Variants in ZSCAN23 observed in about 807,000 individuals in gnomAD.
The protein encoded by ZSCAN23 is zinc finger and SCAN domain containing 23.
A neutral mutation model predicts 19.3 loss-of-function variants in ZSCAN23; 19 were observed. The ratio of observed to expected loss-of-function variants is 0.99; its 90% CI spans 0.69 to 1.45. ZSCAN23 has a LOEUF of 1.45. Ranked by LOEUF, ZSCAN23 falls within the 40% of genes most tolerant of loss-of-function variation. ZSCAN23 has a pLI of 0.00. For synonymous variants in ZSCAN23, 140 were observed against 166.2 expected, an observed-to-expected ratio of 0.84 and a Z score of 1.21; for missense variants, 372 against 462.5, an observed-to-expected ratio of 0.80 and a Z score of 1.79.
intron 1 of ZSCAN23, among the ~76,000 whole-genome samples, chr6:28,442,445 G>A (rs1762020233): frequency 6.6e-6 from 1 of 152,136 alleles, no homozygotes; most frequent in Admixed American, 6.5e-5. Context: ...TTTTTCTATT[G>A]CTCAAAGAAC....
the ZSCAN23 span, among the ~76,000 whole-genome samples, chr6:28,421,679 A>T: frequency 6.6e-6 from 1 of 152,336 alleles, no homozygotes; most frequent in South Asian, 2.1e-4. Flanking sequence ...ACAACAGAAC[A>T]TCTTAGACTA....
chr6:28,434,419 A>G lies in ZSCAN23; in HGVS notation c.*46T>C, dbSNP rs1761824469. The G allele has an allele frequency of 6.7e-7, 1 of 1,486,082 alleles. No individual in the cohort carries two copies. Among genetic ancestry groups the G allele is most frequent in the Non-Finnish European group, 9.0e-7 (1 of 1,112,718 alleles). The allele number at this position is 1,486,082 out of a possible 1,614,324, so 92.1% of individuals were successfully genotyped here. ...TGAACTTTTCTATGCTAGAGGACAC[A>G]GCAGGGACAAAGTAAGAAATATTAT... is the stretch of plus-strand genomic sequence containing the variant. On this transcript the variant is annotated 3_prime_UTR_variant, in exon 4 of 4. Transcript: ENST00000289788.
At chr6:28,429,630 G>A (rs74346667), downstream of ZSCAN23, among the ~76,000 whole-genome samples, 990 of 152,264 alleles carry the variant, frequency 6.5e-3, 3 homozygotes, top group Admixed American at 0.01. Flanking sequence ...TCAGAAGGGG[G>A]TGATCCATAC....
Position 28,434,964 on chromosome 6 carries a change from G to C in ZSCAN23, c.671C>G (p.Pro224Arg), listed in dbSNP as rs1005844597. 1 of 1,551,772 alleles carries C rather than the reference G, an allele frequency of 6.4e-7. No individual in the cohort carries two copies. The highest frequency in any genetic ancestry group is 2.0e-5 in the Admixed American group (1 of 50,996). The change falls in exon 4 of 4, where the codon CCT becomes CGT. Residue 224 changes from proline (P) to arginine (R), a missense_variant. By Grantham distance (103) the Pro-to-Arg change is moderately radical (BLOSUM62 -2). Coordinates refer to ENST00000289788, the MANE Select transcript of ZSCAN23 (RefSeq NM_001012455.2). ...ACGGTCACAGGTATCTCCATACTCAGGAATCTGAGTAATATTACCATTCTG... is the reference window on the plus strand; with the variant it reads ...ACGGTCACAGGTATCTCCATACTCACGAATCTGAGTAATATTACCATTCTG... ...GKQNGNITQI[P>R]EYGDTCDREG...
At chr6:28,429,503 G>C (rs1355780535), downstream of ZSCAN23, among the ~76,000 whole-genome samples, 1 of 152,156 alleles carries the variant, frequency 6.6e-6, no homozygotes, top group Non-Finnish European at 1.5e-5. Context: ...AAACTGTTCA[G>C]GTTAAAACGG....
At chr6:28,424,026 G>C in the ZSCAN23 span, among the ~76,000 whole-genome samples, 1 of 152,172 alleles carries the variant, frequency 6.6e-6, no homozygotes, top group African/African-American at 2.4e-5. Flanking sequence ...AACAATAGGT[G>C]CAAAAAGTAA....
Position 28,435,935 on chromosome 6 carries a change from T to C in ZSCAN23, c.332A>G (p.His111Arg). The part of the protein sequence containing the change: ...PEELQAWVRQ[H>R]RPVSGEEAVT... ...TGCCTCCTCTCCACTCACAGGACGG[T>C]GCTGTCTGACCCAGGCCTGGAGCTC... The change falls in exon 2 of 4, where the codon CAC becomes CGC. Residue 111 changes from histidine (H) to arginine (R), a missense_variant. By Grantham distance (29) the His-to-Arg change is conservative (BLOSUM62 0). Coordinates refer to ENST00000289788, the MANE Select transcript of ZSCAN23 (RefSeq NM_001012455.2). The C allele has an allele frequency of 2.5e-6, 4 of 1,614,164 alleles. No homozygotes were observed. The highest frequency in any genetic ancestry group is 3.4e-6 in the Non-Finnish European group (4 of 1,180,004).
chr6:28,435,773 A>AT (rs1232091999), intron 2 of ZSCAN23, 86 bp downstream of exon 2: 5 of 1,440,338 alleles, frequency 3.5e-6, no homozygotes, highest in Non-Finnish European at 4.6e-6. Flanking sequence ...ATAAAAAAAA[A>AT]ATCCTCCTCC....
chr6:28,430,295 G>C (rs2114028394), downstream of ZSCAN23, among the ~76,000 whole-genome samples: 1 of 152,216 alleles, frequency 6.6e-6, no homozygotes, highest in South Asian at 2.1e-4. Flanking sequence ...TGGGGGTGTA[G>C]GAGTCTAGGC....
At chr6:28,430,436 A>G (rs545392985), downstream of ZSCAN23, among the ~76,000 whole-genome samples, 22 of 152,270 alleles carry the variant, frequency 1.4e-4, no homozygotes, top group Admixed American at 1.0e-3. Flanking sequence ...AAATTGTCCA[A>G]TTACCTTCAC....
At chr6:28,421,487 G>A in the ZSCAN23 span, among the ~76,000 whole-genome samples, 1 of 152,070 alleles carries the variant, frequency 6.6e-6, no homozygotes, top group African/African-American at 2.4e-5. Flanking sequence ...ATGGATTACT[G>A]GCTATAGGTA....
At chr6:28,427,515 A>G (rs1761681791), downstream of ZSCAN23, among the ~76,000 whole-genome samples, 1 of 152,212 alleles carries the variant, frequency 6.6e-6, no homozygotes, top group South Asian at 2.1e-4. Context: ...CTCCTAGGCT[A>G]CAAACCTGTA....
rs1762043264 is a variant in ZSCAN23, at chr6:28,443,404, C to G, written c.-83G>C. The stretch of plus-strand genomic sequence containing the variant: ...AGCCCGACTCCGAAGCTCACCGAGG[C>G]ATCCGTGAGAGGAGATGCCACCTAG... On this transcript the variant is annotated 5_prime_UTR_variant, in exon 1 of 4. An upstream start codon of the reference 5' UTR is lost. Transcript: ENST00000289788. 6.6e-6 allele frequency: 1 copy of G among 152,460 alleles called. No individual in the cohort carries two copies. The highest frequency in any genetic ancestry group is 2.4e-5 in the African/African-American group (1 of 41,480). The allele number at this position is 152,460 out of a possible 1,614,324, so 9.4% of individuals were successfully genotyped here. A position where few individuals can be genotyped will look rare whatever the true frequency, so the allele number is the denominator to read the frequency against.
intron 2 of ZSCAN23, 21 bp downstream of exon 2, chr6:28,435,838 C>A: frequency 6.5e-7 from 1 of 1,546,830 alleles, no homozygotes; most frequent in Non-Finnish European, 8.7e-7. Flanking sequence ...GGTACAAATC[C>A]CTGTTCTCCC....
At chr6:28,438,978 A>G (rs1324428631) in intron 1 of ZSCAN23, among the ~76,000 whole-genome samples, 1 of 152,236 alleles carries the variant, frequency 6.6e-6, no homozygotes, top group Non-Finnish European at 1.5e-5. Flanking sequence ...ACCTGCACAC[A>G]TAATCCTCTC....
chr6:28,439,163 T>C (rs1421120138), intron 1 of ZSCAN23, among the ~76,000 whole-genome samples: 1 of 151,908 alleles, frequency 6.6e-6, no homozygotes, highest in Non-Finnish European at 1.5e-5. Context: ...AACAGCACGA[T>C]CTCAGCTCAC....
rs1051165065 is a variant in ZSCAN23 at position 28,443,386 on chromosome 6, C to T, written c.-78+13G>A. ...CCGAAGCCCCTCAGCGGTAGCCCGA[C>T]TCCGAAGCTCACCGAGGCATCCGTG... is the stretch of plus-strand genomic sequence containing the variant. On this transcript the variant is annotated intron_variant, in intron 1 of 3. Coordinates refer to ENST00000289788, the MANE Select transcript of ZSCAN23 (RefSeq NM_001012455.2). The T allele has an allele frequency of 1.3e-5, 2 of 152,470 alleles. No homozygotes were observed. Among genetic ancestry groups the T allele is most frequent in the Non-Finnish European group, 2.9e-5 (2 of 68,194 alleles). The allele number at this position is 152,470 out of a possible 1,614,324, so 9.4% of individuals were successfully genotyped here.
At chr6:28,426,610 G>A in the ZSCAN23 span, among the ~76,000 whole-genome samples, 1 of 152,216 alleles carries the variant, frequency 6.6e-6, no homozygotes, top group South Asian at 2.1e-4. Context: ...TTACCAAAAT[G>A]TGACACAGAA....
In ZSCAN23 at chr6:28,443,387, T is replaced by A. The variant is rs147423273; in HGVS notation, c.-78+12A>T. The A allele has an allele frequency of 2.8e-3, 425 of 152,520 alleles. 1 individual carries two copies. The highest frequency in any genetic ancestry group is 5.2e-3 in the Non-Finnish European group (353 of 68,172). 9.4% of individuals were successfully genotyped at this position (152,520 alleles called of 1,614,324 possible). ...CGAAGCCCCTCAGCGGTAGCCCGAC[T>A]CCGAAGCTCACCGAGGCATCCGTGA... On this transcript the variant is annotated intron_variant, in intron 1 of 3. Transcript: ENST00000289788.
Sources: gnomAD v4.1 joint callset for allele counts (sites outside exome capture counted in the v4.1 genomes callset) on GRCh38, gnomAD v4.1.1 for gene constraint, MANE v1.5 for transcripts, NCBI Gene and HGNC (gene_info 2026-07-23, HGNC 2026-07-21) for gene names.